Variants in PLPP1 observed in about 807,000 individuals in gnomAD.
The protein encoded by PLPP1 is lipid phosphate phosphohydrolase 1a.
Under a neutral mutation model 31.2 loss-of-function variants are expected in PLPP1, and 24 were observed. The ratio of observed to expected loss-of-function variants is 0.77; its 90% confidence interval spans 0.56 to 1.08. The LOEUF is 1.08. Among genes scored for constraint, PLPP1 ranks in the 50% least tolerant of loss-of-function variants. The pLI, the probability that PLPP1 is intolerant of heterozygous loss-of-function variation, is 0.00. For synonymous variants in PLPP1, 146 were observed against 126.3 expected (o/e 1.16, Z -1.05); for missense variants, 319 against 342.7 (o/e 0.93, Z 0.55).
intron 3 of PLPP1, among the ~76,000 whole-genome samples, chr5:55,449,435 C>T (rs182563250): frequency 2.2e-4 from 33 of 152,206 alleles, no homozygotes; most frequent in Non-Finnish European, 4.3e-4. Flanking sequence ...ATCTCTTCCC[C>T]GCCAAATACA....
intron 1 of PLPP1, chr5:55,508,961 G>C (rs1363619542): frequency 1.3e-5 from 2 of 153,850 alleles, no homozygotes; most frequent in African/African-American, 4.8e-5. Context: ...TAATAGAGTA[G>C]AAAAAAACTA....
rs16884192 is a variant in PLPP1 at position 55,425,528 on chromosome 5, C to A, written c.727-194G>T. ...CCAAATTAAGAGTTGCTTTGTTATGCCTTCAGCAAATAGCTTCATTTTGCC... is the reference window on the plus strand; with the variant it reads ...CCAAATTAAGAGTTGCTTTGTTATGACTTCAGCAAATAGCTTCATTTTGCC... On this transcript the variant is annotated intron_variant, in intron 5 of 5. Coordinates refer to ENST00000307259, the MANE Select transcript of PLPP1 (RefSeq NM_003711.4). 3,165 of 517,712 alleles carry A rather than the reference C, an allele frequency of 6.1e-3. 92 individuals are homozygous for A. In the East Asian group the frequency reaches 0.077, roughly 13 times the overall value. The allele number at this position is 517,712 out of a possible 1,614,324, so 32.1% of individuals were successfully genotyped here.
rs138365228 is a variant in PLPP1, at chr5:55,429,760, A to G, written c.550-3721T>C. Among the ~76,000 whole-genome samples, 204 of 152,154 alleles carry G rather than the reference A, an allele frequency of 1.3e-3. 2 individuals carry two copies. In the Middle Eastern group the frequency reaches 0.024, roughly 18 times the overall value. ...CACAGCTGGGTGCTGCCGCAGGGCC[A>G]AAGTATACAAGCTACTGGCAGTGAG... On this transcript the variant is annotated intron_variant, in intron 4 of 5. Coordinates refer to ENST00000307259, the MANE Select transcript of PLPP1 (RefSeq NM_003711.4).
intron 4 of PLPP1, among the ~76,000 whole-genome samples, chr5:55,429,410 G>A (rs574026376): frequency 1.3e-5 from 2 of 152,226 alleles, no homozygotes; most frequent in African/African-American, 4.8e-5. Context: ...GGAGAGGGAA[G>A]CAAGGCAGGG....
intron 1 of PLPP1, among the ~76,000 whole-genome samples, chr5:55,498,403 ATGTG>A (rs10585895): frequency 0.79 from 119,076 of 151,396 alleles, 47,698 homozygotes; most frequent in Middle Eastern, 0.88. Flanking sequence ...GTACATATAG[ATGTG>A]TGTGTATCTA....
At position 55,488,671 on chromosome 5, in the gene PLPP1, AAAC is replaced by A. The variant is rs927783344; in HGVS notation, c.59-13224_59-13222del. Among the ~76,000 whole-genome samples, 21 of 152,238 alleles carry A rather than the reference AAAC, an allele frequency of 1.4e-4. No homozygotes were observed. The Middle Eastern group carries it at 0.01, about 74-fold the overall frequency. On this transcript the variant is annotated intron_variant, in intron 1 of 5. Transcript: ENST00000307259. ...AAAAAAATAAAAATAAAAAACAAAC[AAAC>A]AACAACAACAACAAAAAAATGTGTC...
chr5:55,509,690 C>G (rs1340956413), intron 1 of PLPP1, among the ~76,000 whole-genome samples: 1 of 152,100 alleles, frequency 6.6e-6, no homozygotes, highest in African/African-American at 2.4e-5. Context: ...TTTAAAAAAT[C>G]ACGAGCTATT....
intron 3 of PLPP1, among the ~76,000 whole-genome samples, chr5:55,463,154 G>A (rs1023214053): frequency 7.2e-5 from 11 of 152,126 alleles, no homozygotes; most frequent in African/African-American, 2.7e-4. Context: ...TGGACAGAGG[G>A]AGGGAAACAT....
intron 3 of PLPP1, among the ~76,000 whole-genome samples, chr5:55,461,724 T>C (rs984736456): frequency 2.6e-5 from 4 of 151,940 alleles, no homozygotes; most frequent in Admixed American, 2.0e-4. Context: ...TCTTAGCCAG[T>C]GTAGTAAGGA....
At chr5:55,472,303 T>C (rs958908398) in intron 2 of PLPP1, among the ~76,000 whole-genome samples, 2 of 152,236 alleles carry the variant, frequency 1.3e-5, no homozygotes, top group East Asian at 1.9e-4. Context: ...ACAGGTTATG[T>C]TGAGACAGTA....
intron 1 of PLPP1, among the ~76,000 whole-genome samples, chr5:55,515,503 ACT>A (rs1482012819): frequency 6.6e-6 from 1 of 152,046 alleles, no homozygotes; most frequent in Non-Finnish European, 1.5e-5. Flanking sequence ...CCTCAATCCA[ACT>A]TTTTCAAAGA....
chr5:55,510,008 G>A (rs1012657848), intron 1 of PLPP1, among the ~76,000 whole-genome samples: 3 of 152,194 alleles, frequency 2.0e-5, no homozygotes, highest in Non-Finnish European at 4.4e-5. Context: ...AGGGTACTGG[G>A]AGAGACAGCT....
intron 1 of PLPP1, among the ~76,000 whole-genome samples, chr5:55,482,154 TATACATATCTCATAC>T (rs1752679072): frequency 6.7e-6 from 1 of 148,700 alleles, no homozygotes; most frequent in African/African-American, 2.5e-5. Context: ...CCTTTGGAGA[TATACATATCTCATAC>T]ATATATATAT....
At chr5:55,512,005 T>A (rs1753424769) in intron 1 of PLPP1, among the ~76,000 whole-genome samples, 1 of 148,826 alleles carries the variant, frequency 6.7e-6, no homozygotes, top group Admixed American at 6.7e-5. Flanking sequence ...GGTGGCAGCC[T>A]GTAATCCAAG....
chr5:55,442,990 A>C (rs1353379534), intron 3 of PLPP1, among the ~76,000 whole-genome samples: 1 of 151,600 alleles, frequency 6.6e-6, no homozygotes, highest in Admixed American at 6.6e-5. Context: ...ACGTAAGAAT[A>C]AGAACAAAAA....
intron 5 of PLPP1, 55 bp from the exon 6 acceptor site, chr5:55,425,389 A>G: frequency 6.8e-7 from 1 of 1,473,698 alleles, no homozygotes; most frequent in African/African-American, 1.4e-5. Context: ...AACTACATAC[A>G]AAGTTGTGAT....
intron 2 of PLPP1, among the ~76,000 whole-genome samples, chr5:55,471,263 G>A (rs1226108171): frequency 2.7e-5 from 4 of 150,232 alleles, no homozygotes; most frequent in South Asian, 2.1e-4. Context: ...GTGCAGCGGC[G>A]TGATCTCGGC....
intron 3 of PLPP1, among the ~76,000 whole-genome samples, chr5:55,448,449 C>CTT (rs11414425): frequency 0.57 from 73,238 of 128,090 alleles, 21,932 homozygotes; most frequent in South Asian, 0.71. Context: ...ATTCTAGCAC[C>CTT]TTTTTTTTTT....
At chr5:55,533,698 T>C (rs756888694) in intron 1 of PLPP1, among the ~76,000 whole-genome samples, 1 of 152,228 alleles carries the variant, frequency 6.6e-6, no homozygotes, top group Non-Finnish European at 1.5e-5. Context: ...TGCTTTGTTT[T>C]TGTTTATTCC....
Sources: gnomAD v4.1 joint callset for allele counts (sites outside exome capture counted in the v4.1 genomes callset) on GRCh38, gnomAD v4.1.1 for gene constraint, MANE v1.5 for transcripts, NCBI Gene and HGNC (gene_info 2026-07-23, HGNC 2026-07-21) for gene names.